The following FUT8 variants were observed in gnomAD, a reference collection of about 807,000 sequenced individuals.
FUT8 encodes the protein alpha-(1,6)-fucosyltransferase.
In FUT8, 29 loss-of-function variants were observed where a neutral mutation model predicts 71.3. That is an observed-to-expected ratio of 0.41 (90% CI 0.30 to 0.55). FUT8 has a LOEUF of 0.55. FUT8 is among the 20% of genes least tolerant of loss of function. FUT8 has a pLI of 0.34. For missense variants in FUT8, 544 were observed against 702.1 expected, an observed-to-expected ratio of 0.77 and a Z score of 2.55; for synonymous variants, 254 against 239.3, an observed-to-expected ratio of 1.06 and a Z score of -0.57.
At chr14:65,631,597 A>C (rs1301650241) in intron 6 of FUT8, among the ~76,000 whole-genome samples, 1 of 151,320 alleles carries the variant, frequency 6.6e-6, no homozygotes, top group Non-Finnish European at 1.5e-5. Context: ...ATTTAACTTT[A>C]CTTTCATGCT....
chr14:65,525,670 A>T (rs1250727092), intron 2 of FUT8, among the ~76,000 whole-genome samples: 4 of 152,116 alleles, frequency 2.6e-5, no homozygotes, highest in Non-Finnish European at 5.9e-5. Context: ...TCAATGTTAG[A>T]TCTTTCCTGC....
chr14:65,625,666 T>C (rs1280796622), intron 5 of FUT8, among the ~76,000 whole-genome samples: 1 of 152,230 alleles, frequency 6.6e-6, no homozygotes, highest in African/African-American at 2.4e-5. Flanking sequence ...TGTTGACACA[T>C]GAAACAAATG....
Position 65,443,057 on chromosome 14 carries a change from A to G in FUT8, c.-325-12564A>G, listed in dbSNP as rs77063993. Among the ~76,000 whole-genome samples, 460 of 152,284 alleles carry G rather than the reference A, an allele frequency of 3.0e-3. 3 individuals carry two copies. The East Asian group carries it at 0.034, about 11-fold the overall frequency. On this transcript the variant is annotated intron_variant, in intron 1 of 10. Transcript: ENST00000673929. ...GGAAAACCGGATAGAGGAGTAGTAT[A>G]TGGAAACTTACTGTATTATCTTCAG...
intron 2 of FUT8, among the ~76,000 whole-genome samples, chr14:65,484,908 T>C (rs2139695500): frequency 6.6e-6 from 1 of 152,292 alleles, no homozygotes; most frequent in South Asian, 2.1e-4. Context: ...ATTTTTTTCT[T>C]CTACGGTGTC....
chr14:65,604,546 A>G (rs762600014), intron 3 of FUT8, among the ~76,000 whole-genome samples: 1 of 151,918 alleles, frequency 6.6e-6, no homozygotes, highest in Non-Finnish European at 1.5e-5. Flanking sequence ...AAATTCCTCA[A>G]ACTGAACAAT....
At position 65,467,683 on chromosome 14, in the gene FUT8, C is replaced by T. The variant is rs1368825010; in HGVS notation, c.-228+11965C>T. ...AGTAGAGAGGGTTTCACTATGTTGG[C>T]CAGGCTGGTCTCGAACTCCTGACCT... On this transcript the variant is annotated intron_variant, in intron 2 of 10. Coordinates refer to ENST00000673929, the MANE Select transcript of FUT8 (RefSeq NM_001371533.1). The surrounding 1 kb of genome is among the most constrained non-coding windows in gnomAD (Gnocchi z 4.1). The T allele has an allele frequency of 5.8e-6, 2 of 346,804 alleles. No homozygotes were observed. The highest frequency in any genetic ancestry group is 1.1e-5 in the Non-Finnish European group (2 of 183,262). 21.5% of individuals were successfully genotyped at this position (346,804 alleles called of 1,614,324 possible). A position where few individuals can be genotyped will look rare whatever the true frequency, so the allele number is the denominator to read the frequency against.
Position 65,724,291 on chromosome 14 carries a change from T to C in FUT8, c.1227T>C (p.Asp409=). Residue 409 remains aspartate (D), a synonymous_variant, in exon 9 of 11, where the codon GAT becomes GAC. Coordinates refer to ENST00000673929, the MANE Select transcript of FUT8 (RefSeq NM_001371533.1). ...AAAAAAGAGTGTATTTGGCCACAGA[T>C]GACCCTTCTTTATTAAAGGAGGCAA... is the stretch of plus-strand genomic sequence containing the variant. ...VDKKRVYLAT[D]DPSLLKEAKT... 1 of 1,610,270 alleles carries C rather than the reference T, an allele frequency of 6.2e-7. No individual in the cohort carries two copies. The highest frequency in any genetic ancestry group is 8.5e-7 in the Non-Finnish European group (1 of 1,179,092).
intron 1 of FUT8, among the ~76,000 whole-genome samples, chr14:65,439,760 CAA>C (rs1236901257): frequency 4.0e-5 from 6 of 151,636 alleles, no homozygotes; most frequent in Non-Finnish European, 8.8e-5. Context: ...AAAATATGCA[CAA>C]AAGCCTCCTA....
intron 2 of FUT8, among the ~76,000 whole-genome samples, chr14:65,549,524 T>A (rs1188084135): frequency 6.6e-6 from 1 of 152,200 alleles, no homozygotes; most frequent in African/African-American, 2.4e-5. Context: ...ATATTTTCAA[T>A]GTACATTACT....
the FUT8 span, among the ~76,000 whole-genome samples, chr14:65,400,440 C>T: frequency 6.6e-6 from 1 of 152,220 alleles, no homozygotes; most frequent in South Asian, 2.1e-4. Context: ...TATCCATATA[C>T]TCCTCTATAT....
chr14:65,723,439 A>G lies in FUT8; in HGVS notation c.1083-708A>G, dbSNP rs149091492. ...GTGAATCTGTGTCCCCAATTTTACA[A>G]TTTTGGGGCTTTTCTTAAATATGAC... On this transcript the variant is annotated intron_variant, in intron 8 of 10. Coordinates refer to ENST00000673929, the MANE Select transcript of FUT8 (RefSeq NM_001371533.1). Among the ~76,000 whole-genome samples the G allele has an allele frequency of 2.3e-3, 346 of 152,298 alleles. 4 individuals are homozygous for G. The highest frequency in any genetic ancestry group is 7.9e-3 in the African/African-American group (330 of 41,556).
At chr14:65,667,586 T>C (rs1892278549) in intron 6 of FUT8, among the ~76,000 whole-genome samples, 1 of 152,150 alleles carries the variant, frequency 6.6e-6, no homozygotes, top group Non-Finnish European at 1.5e-5. Flanking sequence ...ATCATTAAAA[T>C]GGCCATAGTG....
intron 7 of FUT8, among the ~76,000 whole-genome samples, chr14:65,680,188 G>A (rs1892970106): frequency 6.6e-6 from 1 of 152,182 alleles, no homozygotes; most frequent in African/African-American, 2.4e-5. Flanking sequence ...ATAGTTGAAA[G>A]GCCAGACAGA....
At chr14:65,611,903 T>C (rs1140001) in intron 3 of FUT8, among the ~76,000 whole-genome samples, 1 of 152,128 alleles carries the variant, frequency 6.6e-6, no homozygotes, top group African/African-American at 2.4e-5. Context: ...TCAGGTGATC[T>C]GCCTGCCTCA....
At chr14:65,650,297 T>TAAA (rs1566875030) in intron 6 of FUT8, among the ~76,000 whole-genome samples, 2 of 7,360 alleles carry the variant, frequency 2.7e-4, no homozygotes, top group African/African-American at 7.1e-4. Context: ...AGACTCTGTC[T>TAAA]CAAAAAAAAA....
chr14:65,725,361 TTATA>T (rs1895625365), intron 9 of FUT8, among the ~76,000 whole-genome samples: 1 of 152,202 alleles, frequency 6.6e-6, no homozygotes, highest in South Asian at 2.1e-4. Context: ...AGTAACACTA[TTATA>T]GGGTTAACAT....
chr14:65,683,049 T>C (rs1020993312), intron 7 of FUT8, among the ~76,000 whole-genome samples: 12 of 151,780 alleles, frequency 7.9e-5, no homozygotes, highest in African/African-American at 2.7e-4. Flanking sequence ...GTTTTACTCT[T>C]GTCACCTAGG....
intron 7 of FUT8, among the ~76,000 whole-genome samples, chr14:65,715,224 G>A (rs1361195490): frequency 6.6e-6 from 1 of 152,116 alleles, no homozygotes; most frequent in Non-Finnish European, 1.5e-5. Flanking sequence ...CTATGTATAT[G>A]GCTTTTATTA....
rs144377948 is a variant in FUT8, at chr14:65,696,600, A to T, written c.836-25175A>T. On this transcript the variant is annotated intron_variant, in intron 7 of 10. Transcript: ENST00000673929. ...ACTTGATGTTCTCTAGGTTTTATAG[A>T]TTTGTGGTTTTGTGTCTCTCATTAA... 5.1e-3 allele frequency among the ~76,000 whole-genome samples: 768 copies of T among 151,710 alleles called. 7 individuals are homozygous for T. The highest frequency in any genetic ancestry group is 8.4e-3 in the Non-Finnish European group (568 of 67,852).
Sources: gnomAD v4.1 joint callset for allele counts (sites outside exome capture counted in the v4.1 genomes callset) on GRCh38, gnomAD v4.1.1 for gene constraint, Gnocchi (gnomAD v3.1) non-coding constraint, MANE v1.5 for transcripts, NCBI Gene and HGNC (gene_info 2026-07-23, HGNC 2026-07-21) for gene names.